The following SWAP70 variants were observed in gnomAD, a reference collection of about 807,000 sequenced individuals.
SWAP70 encodes switch-associated protein 70.
A neutral mutation model predicts 80.2 loss-of-function variants in SWAP70; 34 were observed. The ratio of observed to expected loss-of-function variants is 0.42; its 90% CI spans 0.32 to 0.56. The LOEUF (loss-of-function observed/expected upper bound fraction) is 0.56, where lower values mean the gene tolerates loss of function less well. SWAP70 is among the 20% of genes least tolerant of loss of function. The pLI is 0.09. For synonymous variants in SWAP70, 239 were observed against 238.5 expected, an observed-to-expected ratio of 1.00 and a Z score of -0.02; for missense variants, 578 against 690.7, an observed-to-expected ratio of 0.84 and a Z score of 1.83.
intron 9 of SWAP70, chr11:9,741,938 T>TTAAAAAAAAAAA (rs746508941): frequency 3.7e-5 from 3 of 81,948 alleles, no homozygotes; most frequent in East Asian, 5.9e-4. Flanking sequence ...ACCTCATCTT[T>TTAAAAAAAAAAA]AAAAAAAAAA....
At chr11:9,671,294 T>C (rs1850378166) in intron 1 of SWAP70, among the ~76,000 whole-genome samples, 1 of 95,894 alleles carries the variant, frequency 1.0e-5, no homozygotes, top group Non-Finnish European at 1.8e-5. Flanking sequence ...TATAAAAATA[T>C]ATAAAATATA....
chr11:9,671,112 A>G (rs934659571), intron 1 of SWAP70, among the ~76,000 whole-genome samples: 1 of 136,728 alleles, frequency 7.3e-6, no homozygotes, highest in Non-Finnish European at 1.5e-5. Context: ...TATAAATATA[A>G]AAATATATAT....
chr11:9,748,042 C>A lies in SWAP70; in HGVS notation c.1540C>A (p.Leu514Ile). 6.2e-7 allele frequency: 1 copy of A among 1,614,040 alleles called. No individual in the cohort carries two copies. Among genetic ancestry groups the A allele is most frequent in the Non-Finnish European group, 8.5e-7 (1 of 1,179,962 alleles). The change falls in exon 10 of 12, where the codon CTT (leucine) becomes ATT (isoleucine). Residue 514 changes from leucine to isoleucine, a missense_variant. By Grantham distance (5) the Leu-to-Ile change is conservative. Coordinates refer to ENST00000318950, the MANE Select transcript of SWAP70 (RefSeq NM_015055.4). ...GCTTGAGTTAGAACGGAAGCAAGCA[C>A]TTGAGCAGTACGAGGTAATGAGACT... ...EQLELERKQA[L>I]EQYEEVKKKL...
At chr11:9,737,202 G>A (rs1590045953) in intron 7 of SWAP70, among the ~76,000 whole-genome samples, 2 of 152,180 alleles carry the variant, frequency 1.3e-5, no homozygotes, top group African/African-American at 4.8e-5. Flanking sequence ...CAGCCAGCCT[G>A]CCCCTCCCAG....
intron 7 of SWAP70, among the ~76,000 whole-genome samples, chr11:9,733,863 CTG>C (rs1238860985): frequency 6.6e-6 from 1 of 151,992 alleles, no homozygotes; most frequent in Non-Finnish European, 1.5e-5. Flanking sequence ...TAGCTCGTAC[CTG>C]TAGAGGAGAA....
intron 3 of SWAP70, among the ~76,000 whole-genome samples, chr11:9,718,954 G>A (rs1851099877): frequency 6.7e-6 from 1 of 149,264 alleles, no homozygotes; most frequent in African/African-American, 2.5e-5. Flanking sequence ...ACAAAAATTA[G>A]CTGGGCACAG....
At chr11:9,749,214 T>TATTTTTATTTTTC in intron 11 of SWAP70, 31 bp downstream of exon 11, 2 of 1,174,910 alleles carry the variant, frequency 1.7e-6, no homozygotes, top group Non-Finnish European at 2.3e-6. Context: ...ATCATATATT[T>TATTTTTATTTTTC]ATTTTTATTT....
In SWAP70 at chr11:9,751,924, T is replaced by G. The variant is rs1851595146; in HGVS notation, c.*1954T>G. ...GGGTGTTGGATTTCTGCCCAGCCAT[T>G]TATCAGTATTATCATTTTATTCAGT... is the stretch of plus-strand genomic sequence containing the variant. On this transcript the variant is annotated 3_prime_UTR_variant, in exon 12 of 12. Coordinates refer to ENST00000318950, the MANE Select transcript of SWAP70 (RefSeq NM_015055.4). 1 of 152,214 alleles carries G rather than the reference T, an allele frequency of 6.6e-6. No individual in the cohort carries two copies. The highest frequency in any genetic ancestry group is 2.4e-5 in the African/African-American group (1 of 41,454). 9.4% of individuals were successfully genotyped at this position (152,214 alleles called of 1,614,324 possible).
rs1352371739 is a variant in SWAP70, at chr11:9,750,089, G to A, written c.*119G>A. 1.6e-6 allele frequency: 1 copy of A among 638,276 alleles called. No homozygotes were observed. The highest frequency in any genetic ancestry group is 2.6e-6 in the Non-Finnish European group (1 of 381,380). 39.5% of individuals were successfully genotyped at this position (638,276 alleles called of 1,614,324 possible). On this transcript the variant is annotated 3_prime_UTR_variant, in exon 12 of 12. Coordinates refer to ENST00000318950, the MANE Select transcript of SWAP70 (RefSeq NM_015055.4). ...GTGGTGGCTCACGCCTGTAATCCCA[G>A]CACTTTGGGAGGCCGAGGCGGGTGG...
intron 1 of SWAP70, among the ~76,000 whole-genome samples, chr11:9,681,619 T>C (rs948504501): frequency 1.3e-5 from 2 of 152,086 alleles, no homozygotes; most frequent in Admixed American, 1.3e-4. Context: ...TGTGGGTCAG[T>C]AGTGGTAGCT....
chr11:9,700,517 C>T (rs896193985), intron 2 of SWAP70, among the ~76,000 whole-genome samples: 2 of 152,188 alleles, frequency 1.3e-5, no homozygotes, highest in Non-Finnish European at 2.9e-5. Context: ...GGTATGCTGT[C>T]ATGTATACAT....
chr11:9,672,926 C>T (rs1850437644), intron 1 of SWAP70, among the ~76,000 whole-genome samples: 3 of 152,092 alleles, frequency 2.0e-5, no homozygotes, highest in Admixed American at 2.0e-4. Context: ...TCAGTGGAAA[C>T]AACACACAAA....
chr11:9,699,153 G>T (rs1370457589), intron 2 of SWAP70, among the ~76,000 whole-genome samples: 1 of 152,130 alleles, frequency 6.6e-6, no homozygotes, highest in East Asian at 1.9e-4. Flanking sequence ...GGTTTCTTGG[G>T]GTGAGGGGGA....
At position 9,747,295 on chromosome 11, in the gene SWAP70, G is replaced by A. The variant is rs896656317; in HGVS notation, c.1356-563G>A. On this transcript the variant is annotated intron_variant, in intron 9 of 11. Transcript: ENST00000318950. The stretch of plus-strand genomic sequence containing the variant: ...AGGGGATTAGCAATAATGGAGGCAA[G>A]GGCCTGGCATGTAGCAATTGTTCAA... Among the ~76,000 whole-genome samples, 9 of 152,358 alleles carry A rather than the reference G, an allele frequency of 5.9e-5. No individual in the cohort carries two copies. The South Asian group carries it at 1.0e-3, about 18-fold the overall frequency.
intron 4 of SWAP70, among the ~76,000 whole-genome samples, chr11:9,726,056 C>G (rs545716473): frequency 6.6e-6 from 1 of 152,156 alleles, no homozygotes; most frequent in African/African-American, 2.4e-5. Flanking sequence ...CAGTGATCAC[C>G]TCTAGATTGT....
chr11:9,696,736 C>G (rs1056083510), intron 2 of SWAP70, among the ~76,000 whole-genome samples: 1 of 152,018 alleles, frequency 6.6e-6, no homozygotes, highest in Non-Finnish European at 1.5e-5. Flanking sequence ...TCATTTATAT[C>G]AAAAGTTTGT....
intron 7 of SWAP70, among the ~76,000 whole-genome samples, chr11:9,737,349 C>T (rs868860): frequency 0.099 from 15,127 of 152,146 alleles, 1,912 homozygotes; most frequent in East Asian, 0.28. Flanking sequence ...CAGACCCTCA[C>T]GATTCTTACT....
chr11:9,710,801 T>C (rs1470202520), intron 2 of SWAP70, among the ~76,000 whole-genome samples: 1 of 151,818 alleles, frequency 6.6e-6, no homozygotes, highest in Non-Finnish European at 1.5e-5. Flanking sequence ...TGCCTGACCT[T>C]CCTGAGTAGC....
chr11:9,711,609 G>A (rs1274268795), intron 2 of SWAP70, among the ~76,000 whole-genome samples: 2 of 152,154 alleles, frequency 1.3e-5, no homozygotes, highest in South Asian at 2.1e-4. Context: ...AGTGAGTGAC[G>A]CAGAAGATCA....
Sources: gnomAD v4.1 joint callset for allele counts (sites outside exome capture counted in the v4.1 genomes callset) on GRCh38, gnomAD v4.1.1 for gene constraint, MANE v1.5 for transcripts, NCBI Gene and HGNC (gene_info 2026-07-23, HGNC 2026-07-21) for gene names.